Variants in ANAPC1 observed in about 807,000 individuals in gnomAD.
ANAPC1 encodes anaphase promoting complex subunit 1, also known as anaphase-promoting complex subunit 1.
Under a neutral mutation model 208.0 loss-of-function variants are expected in ANAPC1, and 36 were observed. The ratio of observed to expected loss-of-function variants is 0.17; its 90% CI spans 0.13 to 0.23. The LOEUF is 0.23. Ranked by LOEUF, ANAPC1 falls within the 10% of genes least tolerant of loss-of-function variation. ANAPC1 has a pLI of 1.00. For synonymous variants in ANAPC1, 378 were observed against 695.2 expected (o/e 0.54, Z 7.18); for missense variants, 942 against 2,011.6 (o/e 0.47, Z 10.17).
chr2:111,775,063 C>G (rs574990489), intron 46 of ANAPC1, among the ~76,000 whole-genome samples: 9 of 152,208 alleles, frequency 5.9e-5, no homozygotes, highest in African/African-American at 2.2e-4. Context: ...GTCAGGAGTT[C>G]GAGATCAGAC....
At chr2:111,819,955 A>AT (rs1679431803) in intron 26 of ANAPC1, among the ~76,000 whole-genome samples, 2 of 152,176 alleles carry the variant, frequency 1.3e-5, no homozygotes, top group Admixed American at 1.3e-4. Flanking sequence ...AACCCATAGA[A>AT]TTTTTTTAGA....
intron 21 of ANAPC1, among the ~76,000 whole-genome samples, chr2:111,830,010 C>T (rs919526361): frequency 3.9e-5 from 6 of 152,040 alleles, no homozygotes; most frequent in African/African-American, 1.4e-4. Context: ...GTGGAGGTTG[C>T]AGTGAGCTGA....
In ANAPC1 at chr2:111,769,223, G is replaced by A. The variant is rs1400033628; in HGVS notation, c.*68C>T. The A allele has an allele frequency of 6.2e-7, 1 of 1,603,178 alleles. No homozygotes were observed. Among genetic ancestry groups the A allele is most frequent in the African/African-American group, 1.3e-5 (1 of 74,638 alleles). On this transcript the variant is annotated 3_prime_UTR_variant, in exon 48 of 48. Coordinates refer to ENST00000341068, the MANE Select transcript of ANAPC1 (RefSeq NM_022662.4). The stretch of plus-strand genomic sequence containing the variant: ...ATAAAACTTTATAAACATTGCTTTA[G>A]CTTTGATGTTTGGTCACGTTTGTTG...
intron 18 of ANAPC1, among the ~76,000 whole-genome samples, chr2:111,835,749 G>A (rs1476870738): frequency 6.6e-6 from 1 of 152,166 alleles, no homozygotes; most frequent in East Asian, 1.9e-4. Flanking sequence ...GGCTGAGGCA[G>A]GAGAATGGCA....
chr2:111,774,927 GCTTT>G (rs1464395460), intron 46 of ANAPC1, among the ~76,000 whole-genome samples: 4 of 150,596 alleles, frequency 2.7e-5, no homozygotes, highest in East Asian at 2.0e-4. Context: ...CTTGAAACCC[GCTTT>G]CTTTGCCCAA....
At chr2:111,831,747 A>G (rs1052395279) in intron 20 of ANAPC1, among the ~76,000 whole-genome samples, 8 of 150,352 alleles carry the variant, frequency 5.3e-5, no homozygotes, top group Non-Finnish European at 1.0e-4. Flanking sequence ...AGACTGAGGC[A>G]GAAGAATCAC....
intron 2 of ANAPC1, chr2:111,880,349 GC>G: frequency 4.3e-6 from 2 of 469,118 alleles, no homozygotes; most frequent in Non-Finnish European, 5.6e-6. Flanking sequence ...TCCAGCCCGG[GC>G]AAAAAGAGCA....
rs199794368 is a variant in ANAPC1 at position 111,834,770 on chromosome 2, C to T, written c.2218G>A (p.Asp740Asn). 102 of 1,613,086 alleles carry T rather than the reference C, an allele frequency of 6.3e-5. No homozygotes were observed. Among genetic ancestry groups the T allele is most frequent in the Non-Finnish European group, 8.1e-5 (96 of 1,179,680 alleles). The stretch of plus-strand genomic sequence containing the variant: ...CTGAGATTCTGTGAAAAATCCTCAT[C>T]CTTCATCTGTGAAGCTTCTGAAGGA... ...LSPSEASQMK[D>N]EDFSQNLSLD... is the part of the protein sequence containing the mutation. The change falls in exon 19 of 48, where the codon GAT becomes AAT. Residue 740 changes from aspartate (D) to asparagine (N), a missense_variant. Transcript: ENST00000341068.
chr2:111,833,351 C>G, intron 19 of ANAPC1, 40 bp from the exon 20 acceptor site: 1 of 1,526,588 alleles, frequency 6.6e-7, no homozygotes, highest in Non-Finnish European at 8.9e-7. Flanking sequence ...GGTATTACAG[C>G]ACTTTCTCCC....
At chr2:111,865,542 T>C (rs1682356217) in intron 7 of ANAPC1, among the ~76,000 whole-genome samples, 1 of 152,206 alleles carries the variant, frequency 6.6e-6, no homozygotes, top group South Asian at 2.1e-4. Flanking sequence ...TAAAATATGA[T>C]TCTATAATCA....
intron 18 of ANAPC1, among the ~76,000 whole-genome samples, chr2:111,835,147 G>C (rs1680397509): frequency 6.6e-6 from 1 of 152,216 alleles, no homozygotes; most frequent in African/African-American, 2.4e-5. Context: ...TACTATTTAG[G>C]TAGAGATTGA....
At chr2:111,848,121 C>A (rs1055516666) in intron 14 of ANAPC1, among the ~76,000 whole-genome samples, 3 of 151,906 alleles carry the variant, frequency 2.0e-5, no homozygotes, top group African/African-American at 7.3e-5. Flanking sequence ...GCCCTCCAGC[C>A]TGGATGACAC....
intron 28 of ANAPC1, among the ~76,000 whole-genome samples, chr2:111,811,075 T>A (rs1414028232): frequency 6.6e-6 from 1 of 152,020 alleles, no homozygotes; most frequent in African/African-American, 2.4e-5. Flanking sequence ...GGGATCAGAA[T>A]AAGGTCCTGG....
chr2:111,785,707 A>T (rs1675191468), intron 39 of ANAPC1, among the ~76,000 whole-genome samples: 1 of 152,150 alleles, frequency 6.6e-6, no homozygotes, highest in South Asian at 2.1e-4. Context: ...TAGTCTTCAC[A>T]GTGAAGAGGT....
Position 111,792,644 on chromosome 2 carries a change from A to G in ANAPC1, c.4519-89T>C, listed in dbSNP as rs572330618. The G allele has an allele frequency of 3.7e-6, 4 of 1,089,242 alleles. No homozygotes were observed. The African/African-American group carries it at 6.4e-5, about 17-fold the overall frequency. The allele number at this position is 1,089,242 out of a possible 1,614,324, so 67.5% of individuals were successfully genotyped here. On this transcript the variant is annotated intron_variant, in intron 37 of 47. Coordinates refer to ENST00000341068, the MANE Select transcript of ANAPC1 (RefSeq NM_022662.4). ...GCTTAGCCATCATTAGAAGACTACA[A>G]AAGTTTGTAACTTAAAAAAAAATCT...
Position 111,832,895 on chromosome 2 carries a change from G to A in ANAPC1, c.2476+325C>T, listed in dbSNP as rs1230276678. Among the ~76,000 whole-genome samples the A allele has an allele frequency of 5.7e-4, 72 of 125,604 alleles. 1 individual carries two copies. The highest frequency in any genetic ancestry group is 3.5e-4 in the Non-Finnish European group (22 of 62,830). 82.4% of individuals were successfully genotyped at this position (125,604 alleles called of 152,430 possible). ...AGAGCTTGCAGTGAGCCAAGATCGC[G>A]CCACTGCACCCCAGCCTGGGTGACA... On this transcript the variant is annotated intron_variant, in intron 20 of 47. Coordinates refer to ENST00000341068, the MANE Select transcript of ANAPC1 (RefSeq NM_022662.4).
intron 21 of ANAPC1, among the ~76,000 whole-genome samples, chr2:111,826,105 C>T (rs915358760): frequency 2.0e-5 from 3 of 152,156 alleles, no homozygotes; most frequent in Non-Finnish European, 2.9e-5. Flanking sequence ...CCAGGCTGGG[C>T]TCAAACTCAT....
chr2:111,771,015 TTTC>T (rs1676709190), intron 47 of ANAPC1: 1 of 153,968 alleles, frequency 6.5e-6, no homozygotes, highest in South Asian at 2.0e-4. Flanking sequence ...AAGGTTACAT[TTTC>T]TTCTGTCAGG....
chr2:111,858,482 C>T (rs183990854), intron 10 of ANAPC1, 81 bp from the exon 11 acceptor site: 164,306 of 1,197,324 alleles, frequency 0.14, 4,416 homozygotes, highest in Non-Finnish European at 0.15. Context: ...TCTTTGAGGC[C>T]GGGCGCGGTG....
Sources: gnomAD v4.1 joint callset for allele counts (sites outside exome capture counted in the v4.1 genomes callset) on GRCh38, gnomAD v4.1.1 for gene constraint, MANE v1.5 for transcripts, NCBI Gene and HGNC (gene_info 2026-07-23, HGNC 2026-07-21) for gene names.